The following PLCH1 variants were observed in gnomAD, a reference collection of about 807,000 sequenced individuals.
PLCH1 encodes 1-phosphatidylinositol 4,5-bisphosphate phosphodiesterase eta-1.
PLCH1 carries 60 observed loss-of-function variants against 126.7 expected under a neutral mutation model. The ratio of observed to expected loss-of-function variants is 0.47; its 90% CI spans 0.38 to 0.59. PLCH1 has a LOEUF of 0.59. PLCH1 is among the 20% of genes least tolerant of loss of function. The pLI, the probability that PLCH1 is intolerant of heterozygous loss-of-function variation, is 0.00. For synonymous variants in PLCH1, 719 were observed against 734.9 expected (o/e 0.98, Z 0.35); for missense variants, 1,723 against 2,040.0 (o/e 0.84, Z 2.99).
rs577905252 is a variant in PLCH1, at chr3:155,691,400, G to A, written c.79+12746C>T. Among the ~76,000 whole-genome samples the A allele has an allele frequency of 2.4e-4, 37 of 152,300 alleles. 1 individual carries two copies. In the South Asian group the frequency reaches 6.8e-3, roughly 28 times the overall value. ...TCTAAACTCAGTTATAGCAACAACC[G>A]TCTCAAATTCCTCTTTGTGTTCCCC... On this transcript the variant is annotated intron_variant, in intron 2 of 22. Coordinates refer to ENST00000460012, the MANE Select transcript of PLCH1 (RefSeq NM_014996.4).
At chr3:155,525,746 C>T (rs1161440662) in intron 10 of PLCH1, among the ~76,000 whole-genome samples, 4 of 152,006 alleles carry the variant, frequency 2.6e-5, no homozygotes, top group Admixed American at 2.6e-4. Context: ...AAATGAGGGG[C>T]TTTTTGACAG....
chr3:155,601,065 C>T (rs908342958), intron 2 of PLCH1, among the ~76,000 whole-genome samples: 3 of 152,170 alleles, frequency 2.0e-5, no homozygotes, highest in Non-Finnish European at 4.4e-5. Flanking sequence ...AGCTCCGCCT[C>T]CCGGGTTCAC....
intron 2 of PLCH1, among the ~76,000 whole-genome samples, chr3:155,699,865 C>T (rs1746134943): frequency 6.7e-6 from 1 of 150,202 alleles, no homozygotes; most frequent in South Asian, 2.1e-4. Context: ...CCTCTCTCCC[C>T]TAAAGGGAAA....
At chr3:155,685,545 T>G (rs1472614355) in intron 2 of PLCH1, among the ~76,000 whole-genome samples, 1 of 152,126 alleles carries the variant, frequency 6.6e-6, no homozygotes, top group Non-Finnish European at 1.5e-5. Flanking sequence ...GGGCATAAAG[T>G]AGTTGGAGAC....
At chr3:155,659,379 G>A (rs1267818125) in intron 2 of PLCH1, among the ~76,000 whole-genome samples, 1 of 126,140 alleles carries the variant, frequency 7.9e-6, no homozygotes, top group South Asian at 2.8e-4. Flanking sequence ...CCAGGCTGGA[G>A]CACAGTGGCA....
chr3:155,471,390 A>T (rs1326871672), intron 21 of PLCH1, among the ~76,000 whole-genome samples: 1 of 151,786 alleles, frequency 6.6e-6, no homozygotes, highest in African/African-American at 2.4e-5. Flanking sequence ...TCCTAAATAT[A>T]TATGCGCCCA....
intron 2 of PLCH1, among the ~76,000 whole-genome samples, chr3:155,703,118 G>C (rs1746394620): frequency 6.6e-6 from 1 of 152,116 alleles, no homozygotes; most frequent in African/African-American, 2.4e-5. Context: ...CTTTACAAGG[G>C]CTTTTAGTGA....
chr3:155,540,046 T>C (rs1248834448), intron 10 of PLCH1, among the ~76,000 whole-genome samples: 1 of 152,076 alleles, frequency 6.6e-6, no homozygotes, highest in Non-Finnish European at 1.5e-5. Flanking sequence ...AATAGGCACA[T>C]AGACCAATGG....
At chr3:155,646,958 A>T (rs1740134578) in intron 2 of PLCH1, among the ~76,000 whole-genome samples, 1 of 152,216 alleles carries the variant, frequency 6.6e-6, no homozygotes, top group African/African-American at 2.4e-5. Context: ...CTGGGAGATG[A>T]AGTCCAATTC....
intron 21 of PLCH1, among the ~76,000 whole-genome samples, chr3:155,473,655 A>G (rs1713387873): frequency 6.6e-6 from 1 of 152,000 alleles, no homozygotes; most frequent in Non-Finnish European, 1.5e-5. Flanking sequence ...TGGAGGCATC[A>G]CACTCCCTGA....
At chr3:155,711,682 A>C (rs1163869903) in intron 1 of PLCH1, among the ~76,000 whole-genome samples, 1 of 152,178 alleles carries the variant, frequency 6.6e-6, no homozygotes, top group African/African-American at 2.4e-5. Flanking sequence ...TGTCAGCTTC[A>C]TCCTCTGATT....
In PLCH1 at chr3:155,480,988, A is replaced by C. The variant is rs1289478238; in HGVS notation, c.5038T>G (p.Tyr1680Asp). Residue 1680 changes from tyrosine to aspartate, a missense_variant, in exon 23 of 23, where the codon TAT (tyrosine) becomes GAT (aspartate). Physicochemically the swap from Tyr to Asp is radical, Grantham distance 160 (BLOSUM62 -3). Coordinates refer to ENST00000460012, the MANE Select transcript of PLCH1 (RefSeq NM_014996.4). ...ATAATTCACAGTCTCAAAAGAAAAT[A>C]AATTTCTGGTTTATCATCACTGCTT... is the stretch of plus-strand genomic sequence containing the variant. ...EPSSDDKPEI[Y>D]FLLRL 1 of 1,586,718 alleles carries C rather than the reference A, an allele frequency of 6.3e-7. No homozygotes were observed. The highest frequency in any genetic ancestry group is 1.4e-5 in the African/African-American group (1 of 74,008).
chr3:155,558,921 G>A (rs1322940129), intron 8 of PLCH1, among the ~76,000 whole-genome samples: 2 of 152,170 alleles, frequency 1.3e-5, no homozygotes, highest in African/African-American at 2.4e-5. Context: ...GAGGACCACA[G>A]AGATCATGTC....
chr3:155,728,188 T>A (rs1748486413), intron 1 of PLCH1, among the ~76,000 whole-genome samples: 1 of 152,162 alleles, frequency 6.6e-6, no homozygotes, highest in African/African-American at 2.4e-5. Flanking sequence ...AATTTTTAAA[T>A]GGTATCAGCG....
intron 10 of PLCH1, among the ~76,000 whole-genome samples, chr3:155,535,116 G>A (rs1723181838): frequency 6.6e-6 from 1 of 152,244 alleles, no homozygotes; most frequent in Non-Finnish European, 1.5e-5. Context: ...GAAGAGCCCT[G>A]TGGGCACACC....
At chr3:155,741,022 T>G (rs1749583001) in intron 1 of PLCH1, among the ~76,000 whole-genome samples, 2 of 152,348 alleles carry the variant, frequency 1.3e-5, no homozygotes, top group African/African-American at 4.8e-5. Context: ...TTGTCCCTTC[T>G]GCATCTATCC....
intron 10 of PLCH1, among the ~76,000 whole-genome samples, chr3:155,526,335 T>C (rs570874816): frequency 6.6e-6 from 1 of 152,236 alleles, no homozygotes; most frequent in East Asian, 1.9e-4. Context: ...ACCTTCTTGC[T>C]TGCTTGCTTC....
At chr3:155,707,427 G>A (rs184108286) in intron 1 of PLCH1, among the ~76,000 whole-genome samples, 33 of 152,244 alleles carry the variant, frequency 2.2e-4, no homozygotes, top group East Asian at 3.9e-4. Context: ...AGTGGCTCAC[G>A]CCTGTAATCC....
At chr3:155,735,797 A>C (rs1032253745) in intron 1 of PLCH1, among the ~76,000 whole-genome samples, 1 of 152,236 alleles carries the variant, frequency 6.6e-6, no homozygotes, top group Non-Finnish European at 1.5e-5. Flanking sequence ...CAATTAAAGA[A>C]AATAAATAGT....
Sources: gnomAD v4.1 joint callset for allele counts (sites outside exome capture counted in the v4.1 genomes callset) on GRCh38, gnomAD v4.1.1 for gene constraint, MANE v1.5 for transcripts, NCBI Gene and HGNC (gene_info 2026-07-23, HGNC 2026-07-21) for gene names.